Variants in MACROD2 observed in about 807,000 individuals in gnomAD.
MACROD2 encodes mono-ADP ribosylhydrolase 2.
A neutral mutation model predicts 70.4 loss-of-function variants in MACROD2; 36 were observed. The ratio of observed to expected loss-of-function variants is 0.51; its 90% confidence interval spans 0.39 to 0.68. MACROD2 has a LOEUF of 0.68. MACROD2 is among the 30% of genes least tolerant of loss of function. The pLI is 0.00. For synonymous variants in MACROD2, 172 were observed against 178.8 expected, an observed-to-expected ratio of 0.96 and a Z score of 0.30; for missense variants, 496 against 538.4, an observed-to-expected ratio of 0.92 and a Z score of 0.78.
Position 14,805,838 on chromosome 20 carries a change from C to G in MACROD2, c.418+120879C>G, listed in dbSNP as rs560578370. ...GTGAACCCTAGCAAGTGTTTGCTAC[C>G]CAGTTCACAAAGGTAAGAATTTCAG... On this transcript the variant is annotated intron_variant, in intron 5 of 17. Transcript: ENST00000684519. Among the ~76,000 whole-genome samples the G allele has an allele frequency of 4.2e-4, 64 of 152,092 alleles. No individual in the cohort carries two copies. In the South Asian group the frequency reaches 0.013, roughly 30 times the overall value.
intron 5 of MACROD2, among the ~76,000 whole-genome samples, chr20:14,991,037 C>T (rs2074899272): frequency 6.6e-6 from 1 of 152,072 alleles, no homozygotes; most frequent in Admixed American, 6.6e-5. Context: ...ATTTAGTTTC[C>T]ATGTGAAACT....
At chr20:15,511,136 G>A (rs946311728) in intron 8 of MACROD2, among the ~76,000 whole-genome samples, 2 of 152,178 alleles carry the variant, frequency 1.3e-5, no homozygotes, top group Non-Finnish European at 2.9e-5. Context: ...CTGAGCTGCT[G>A]GGCACCAGGG....
chr20:14,682,236 C>T (rs6042851), intron 4 of MACROD2, among the ~76,000 whole-genome samples: 28,964 of 151,940 alleles, frequency 0.19, 4,210 homozygotes, highest in African/African-American at 0.39. Flanking sequence ...CAACTAATTA[C>T]CTCTTTGCCA....
intron 5 of MACROD2, among the ~76,000 whole-genome samples, chr20:14,965,149 C>T (rs1568901226): frequency 2.0e-5 from 3 of 152,062 alleles, no homozygotes; most frequent in Non-Finnish European, 2.9e-5. Context: ...TCTGATTGGT[C>T]AGCCAGATAA....
At chr20:15,042,435 T>C (rs1293634718) in intron 5 of MACROD2, among the ~76,000 whole-genome samples, 1 of 152,128 alleles carries the variant, frequency 6.6e-6, no homozygotes, top group Non-Finnish European at 1.5e-5. Flanking sequence ...CCTGTAGGAG[T>C]ATAGCATCCT....
chr20:14,141,471 C>T (rs565756163), intron 3 of MACROD2, among the ~76,000 whole-genome samples: 6 of 152,162 alleles, frequency 3.9e-5, no homozygotes, highest in East Asian at 1.9e-4. Flanking sequence ...GGCGGCTGGG[C>T]GCAGTGGCTC....
chr20:14,805,259 C>T (rs1739838110), intron 5 of MACROD2, among the ~76,000 whole-genome samples: 1 of 152,072 alleles, frequency 6.6e-6, no homozygotes, highest in African/African-American at 2.4e-5. Context: ...TACTTTCAGG[C>T]AGTCCTGGCA....
intron 3 of MACROD2, among the ~76,000 whole-genome samples, chr20:14,338,764 C>T (rs975305275): frequency 1.4e-4 from 22 of 151,994 alleles, no homozygotes; most frequent in Admixed American, 3.9e-4. Context: ...AATTGTAAGA[C>T]GTGGAGATTA....
At chr20:14,448,746 A>G (rs943236196) in intron 3 of MACROD2, among the ~76,000 whole-genome samples, 2 of 151,628 alleles carry the variant, frequency 1.3e-5, no homozygotes, top group Non-Finnish European at 2.9e-5. Context: ...TTATCACATG[A>G]TTTACATTCA....
At chr20:14,272,473 C>G (rs2082205274) in intron 3 of MACROD2, among the ~76,000 whole-genome samples, 1 of 151,622 alleles carries the variant, frequency 6.6e-6, no homozygotes, top group African/African-American at 2.4e-5. Flanking sequence ...CAGGCCTGCC[C>G]TAAAAGAGCT....
chr20:15,535,520 A>T (rs887424024), intron 8 of MACROD2, among the ~76,000 whole-genome samples: 2 of 152,330 alleles, frequency 1.3e-5, no homozygotes, highest in East Asian at 3.9e-4. Flanking sequence ...GTTTTACACT[A>T]TGATATTAAA....
intron 8 of MACROD2, among the ~76,000 whole-genome samples, chr20:15,751,740 TTCTC>T (rs1385717047): frequency 6.6e-6 from 1 of 151,824 alleles, no homozygotes; most frequent in African/African-American, 2.4e-5. Flanking sequence ...GGTTCAGAAA[TTCTC>T]TCCTGACCAG....
chr20:14,312,660 C>A (rs1302869524), intron 3 of MACROD2, among the ~76,000 whole-genome samples: 1 of 152,160 alleles, frequency 6.6e-6, no homozygotes, highest in Non-Finnish European at 1.5e-5. Context: ...AATATATTGC[C>A]TATAGCCACC....
At chr20:15,327,676 A>G (rs1318111619) in intron 6 of MACROD2, among the ~76,000 whole-genome samples, 1 of 152,128 alleles carries the variant, frequency 6.6e-6, no homozygotes, top group Non-Finnish European at 1.5e-5. Flanking sequence ...ACAATTCAAG[A>G]TGAAATTTGG....
chr20:15,522,517 C>T (rs1468552593), intron 8 of MACROD2, among the ~76,000 whole-genome samples: 3 of 152,110 alleles, frequency 2.0e-5, no homozygotes, highest in East Asian at 1.9e-4. Context: ...ATATTATGGT[C>T]GTTTGAAGAA....
chr20:15,617,600 A>C (rs186465110), intron 8 of MACROD2, among the ~76,000 whole-genome samples: 69 of 152,366 alleles, frequency 4.5e-4, no homozygotes, highest in African/African-American at 1.6e-3. Flanking sequence ...CAAAGTATAC[A>C]CATCCCATAT....
At chr20:14,272,277 C>A (rs1265680904) in intron 3 of MACROD2, among the ~76,000 whole-genome samples, 1 of 152,154 alleles carries the variant, frequency 6.6e-6, no homozygotes, top group African/African-American at 2.4e-5. Flanking sequence ...GGAAGCCCAT[C>A]AGACTAACAG....
chr20:15,956,701 A>C (rs942326961), intron 12 of MACROD2, among the ~76,000 whole-genome samples: 1 of 152,190 alleles, frequency 6.6e-6, no homozygotes, highest in Admixed American at 6.6e-5. Context: ...GCAAATTCTC[A>C]GTCCCTACCC....
intron 6 of MACROD2, among the ~76,000 whole-genome samples, chr20:15,274,794 A>G (rs1189651056): frequency 6.6e-6 from 1 of 152,234 alleles, no homozygotes; most frequent in Non-Finnish European, 1.5e-5. Flanking sequence ...AAAAATTTTA[A>G]TGGCACATTG....
Sources: gnomAD v4.1 joint callset for allele counts (sites outside exome capture counted in the v4.1 genomes callset) on GRCh38, gnomAD v4.1.1 for gene constraint, MANE v1.5 for transcripts, NCBI Gene and HGNC (gene_info 2026-07-23, HGNC 2026-07-21) for gene names.